LRP1B: variants seen among roughly 807,000 people sequenced by gnomAD.
LRP1B encodes low-density lipoprotein receptor-related protein 1B.
A neutral mutation model predicts 556.6 loss-of-function variants in LRP1B; 217 were observed. The observed-to-expected ratio is 0.39, with a 90% CI of 0.35 to 0.44. The LOEUF is 0.44. Among genes scored for constraint, LRP1B ranks in the 20% least tolerant of loss-of-function variants. LRP1B has a pLI of 1.00. For synonymous variants in LRP1B, 2,047 were observed against 1,865.8 expected, an observed-to-expected ratio of 1.10 and a Z score of -2.50; for missense variants, 5,053 against 5,620.8, an observed-to-expected ratio of 0.90 and a Z score of 3.23.
At chr2:140,519,322 C>G (rs1409524511) in intron 49 of LRP1B, among the ~76,000 whole-genome samples, 2 of 152,282 alleles carry the variant, frequency 1.3e-5, no homozygotes, top group East Asian at 3.9e-4. Context: ...CTACAACCAT[C>G]TGATCTTTGA....
chr2:140,643,672 T>C (rs1684380666), intron 41 of LRP1B, among the ~76,000 whole-genome samples: 1 of 152,160 alleles, frequency 6.6e-6, no homozygotes, highest in Non-Finnish European at 1.5e-5. Context: ...TTGTGTAAAA[T>C]GTAGCAGCCT....
intron 3 of LRP1B, among the ~76,000 whole-genome samples, chr2:141,418,870 T>A (rs1224799303): frequency 6.6e-6 from 1 of 152,124 alleles, no homozygotes; most frequent in Non-Finnish European, 1.5e-5. Flanking sequence ...TCCATGAACA[T>A]AGGAGGTCTT....
chr2:140,512,642 G>C (rs1689716119), intron 51 of LRP1B, among the ~76,000 whole-genome samples: 1 of 152,084 alleles, frequency 6.6e-6, no homozygotes, highest in South Asian at 2.1e-4. Flanking sequence ...TCAAAAGATG[G>C]AAATAAACTA....
chr2:141,861,478 G>A (rs1698237289), intron 1 of LRP1B, among the ~76,000 whole-genome samples: 2 of 152,196 alleles, frequency 1.3e-5, no homozygotes, highest in Admixed American at 6.5e-5. Context: ...CTGCCTAGCT[G>A]TCTTTTCCCC....
chr2:140,445,558 C>G (rs1036805772), intron 63 of LRP1B, among the ~76,000 whole-genome samples: 1 of 151,930 alleles, frequency 6.6e-6, no homozygotes, highest in African/African-American at 2.4e-5. Context: ...ATTTTATATA[C>G]TATACGTATA....
chr2:141,893,507 C>T (rs1173895963), intron 1 of LRP1B, among the ~76,000 whole-genome samples: 3 of 151,946 alleles, frequency 2.0e-5, no homozygotes, highest in Non-Finnish European at 4.4e-5. Context: ...TTTTTACATA[C>T]TTCCTTATTA....
chr2:141,185,845 G>A lies in LRP1B; in HGVS notation c.1013+2576C>T, dbSNP rs542390653. Among the ~76,000 whole-genome samples the A allele has an allele frequency of 4.2e-4, 64 of 151,900 alleles. No homozygotes were observed. In the Middle Eastern group the frequency reaches 0.014, roughly 32 times the overall value. ...TGTAATCCCAGTACTTTGGGAGGCC[G>A]AGGTGGGAGGATCACAAGAGGTCAG... is the stretch of plus-strand genomic sequence containing the variant. On this transcript the variant is annotated intron_variant, in intron 7 of 90. Transcript: ENST00000389484.
intron 31 of LRP1B, among the ~76,000 whole-genome samples, chr2:140,825,336 A>T (rs1691465872): frequency 6.6e-6 from 1 of 152,188 alleles, no homozygotes; most frequent in African/African-American, 2.4e-5. Flanking sequence ...GTCACACTGC[A>T]CTTCCTTTTA....
At chr2:141,455,359 C>T (rs13020675) in intron 3 of LRP1B, among the ~76,000 whole-genome samples, 29,471 of 152,008 alleles carry the variant, frequency 0.19, 3,076 homozygotes, top group South Asian at 0.26. Context: ...GAATGCATCA[C>T]ACCCAGAGGG....
chr2:140,860,609 T>A (rs1692758851), intron 27 of LRP1B, among the ~76,000 whole-genome samples: 1 of 152,006 alleles, frequency 6.6e-6, no homozygotes, highest in Admixed American at 6.5e-5. Flanking sequence ...GGTGAAAATC[T>A]AACAGATAAA....
rs376555588 is a variant in LRP1B at position 140,708,900 on chromosome 2, A to ATGGTAAAT, written c.6024-6355_6024-6348dup. Among the ~76,000 whole-genome samples, 913 of 152,102 alleles carry ATGGTAAAT rather than the reference A, an allele frequency of 6.0e-3. 9 individuals are homozygous for ATGGTAAAT. The highest frequency in any genetic ancestry group is 0.024 in the Middle Eastern group (7 of 294). ...AACCTATCTTACCAGCATTATTCCT[A>ATGGTAAAT]TGGTAAATCAAATTTATTCCATTTC... On this transcript the variant is annotated intron_variant, in intron 37 of 90. Coordinates refer to ENST00000389484, the MANE Select transcript of LRP1B (RefSeq NM_018557.3).
At chr2:141,925,361 A>G (rs898971187) in intron 1 of LRP1B, among the ~76,000 whole-genome samples, 3 of 152,200 alleles carry the variant, frequency 2.0e-5, no homozygotes, top group Non-Finnish European at 4.4e-5. Context: ...AGACTATAAT[A>G]TTACAAATGA....
Position 140,485,450 on chromosome 2 carries a change from T to C in LRP1B, c.9318A>G (p.Thr3106=), listed in dbSNP as rs145983879. Residue 3106 remains threonine (T), a synonymous_variant, in exon 59 of 91, where the codon ACA becomes ACG. Transcript: ENST00000389484. Reference sequence around the variant, plus strand: ...TGGATACTTCAATGATTCTTTTTTCTGTGTCAGACCAATAGAGGTTTTTTC... The same window carrying C: ...TGGATACTTCAATGATTCTTTTTTCCGTGTCAGACCAATAGAGGTTTTTTC... ...WIGKNLYWSD[T]EKRIIEVSKL... The C allele has an allele frequency of 9.9e-4, 1,605 of 1,613,970 alleles. 3 individuals are homozygous for C. The highest frequency in any genetic ancestry group is 1.2e-3 in the Admixed American group (74 of 60,008).
At chr2:140,702,038 C>T (rs544600684) in intron 39 of LRP1B, 103 bp downstream of exon 39, 3 of 1,412,462 alleles carry the variant, frequency 2.1e-6, no homozygotes, top group Admixed American at 4.1e-5. Flanking sequence ...TTTGTGAGTT[C>T]CTTTTTGTGA....
At chr2:140,507,322 T>G (rs1689460772) in intron 52 of LRP1B, among the ~76,000 whole-genome samples, 1 of 152,168 alleles carries the variant, frequency 6.6e-6, no homozygotes. Flanking sequence ...TGTTGTTTCC[T>G]TGTGAAAAAT....
intron 1 of LRP1B, among the ~76,000 whole-genome samples, chr2:141,891,527 A>G (rs1011349233): frequency 6.6e-6 from 1 of 152,148 alleles, no homozygotes; most frequent in Non-Finnish European, 1.5e-5. Flanking sequence ...CAATGAAACA[A>G]GGTAAGATTT....
intron 2 of LRP1B, among the ~76,000 whole-genome samples, chr2:141,643,733 G>A (rs993208530): frequency 4.6e-5 from 7 of 152,002 alleles, no homozygotes; most frequent in Non-Finnish European, 1.0e-4. Flanking sequence ...TATCTCTGGT[G>A]GTTTCTTTGA....
At chr2:141,860,596 T>A (rs1014369193) in intron 1 of LRP1B, among the ~76,000 whole-genome samples, 16 of 152,074 alleles carry the variant, frequency 1.1e-4, no homozygotes, top group Admixed American at 4.6e-4. Flanking sequence ...ACAATCTATA[T>A]AATAAAAGCA....
chr2:140,931,785 C>T (rs1695056909), intron 20 of LRP1B, among the ~76,000 whole-genome samples: 1 of 152,014 alleles, frequency 6.6e-6, no homozygotes, highest in Non-Finnish European at 1.5e-5. Context: ...ATATAAGTAT[C>T]AGAAGAATGA....
Sources: allele counts gnomAD v4.1 joint callset (sites outside exome capture counted in the v4.1 genomes callset), GRCh38; gene constraint gnomAD v4.1.1; transcripts MANE v1.5; gene names NCBI Gene and HGNC (gene_info 2026-07-23, HGNC 2026-07-21).